The following KCNIP4 variants were observed in gnomAD, a reference collection of about 807,000 sequenced individuals.
KCNIP4 encodes the protein potassium voltage-gated channel interacting protein 4, also known as Kv channel-interacting protein 4.
Under a neutral mutation model 34.0 loss-of-function variants are expected in KCNIP4, and 12 were observed. The ratio of observed to expected loss-of-function variants is 0.35; its 90% CI spans 0.23 to 0.57. The LOEUF (loss-of-function observed/expected upper bound fraction) is 0.57, where lower values mean the gene tolerates loss of function less well. Ranked by LOEUF, KCNIP4 falls within the 20% of genes least tolerant of loss-of-function variation. The pLI is 0.83. For missense variants in KCNIP4, 238 were observed against 311.7 expected (o/e 0.76, Z 1.78); for synonymous variants, 124 against 102.2 (o/e 1.21, Z -1.29).
chr4:21,616,590 A>G (rs6847761), intron 1 of KCNIP4, among the ~76,000 whole-genome samples: 133,228 of 152,158 alleles, frequency 0.88, 58,622 homozygotes, highest in East Asian at 0.99. Flanking sequence ...TGTCAGCAGG[A>G]CCAAACTTTC....
At chr4:20,776,988 C>T (rs1380874147) in intron 3 of KCNIP4, among the ~76,000 whole-genome samples, 1 of 152,118 alleles carries the variant, frequency 6.6e-6, no homozygotes, top group African/African-American at 2.4e-5. Context: ...GTGTGTGTGG[C>T]CTCCAAATTC....
intron 1 of KCNIP4, among the ~76,000 whole-genome samples, chr4:21,698,642 T>G (rs1289631019): frequency 6.6e-6 from 1 of 151,604 alleles, no homozygotes; most frequent in Non-Finnish European, 1.5e-5. Context: ...TAATTTATAC[T>G]CCTAGAGTTT....
chr4:21,476,858 C>T (rs35255226), intron 1 of KCNIP4, among the ~76,000 whole-genome samples: 18,987 of 152,082 alleles, frequency 0.12, 1,351 homozygotes, highest in South Asian at 0.21. Flanking sequence ...AGAGCACTGT[C>T]TTCTTTGTGC....
intron 1 of KCNIP4, among the ~76,000 whole-genome samples, chr4:21,735,298 C>T (rs968983863): frequency 6.6e-6 from 1 of 152,062 alleles, no homozygotes; most frequent in Non-Finnish European, 1.5e-5. Context: ...TGTTAAGCTA[C>T]TCACTGAACA....
At chr4:21,661,690 T>C (rs1460909148) in intron 1 of KCNIP4, among the ~76,000 whole-genome samples, 3 of 152,052 alleles carry the variant, frequency 2.0e-5, no homozygotes, top group African/African-American at 7.2e-5. Flanking sequence ...CGATAGAAGA[T>C]TCTAGACAAA....
intron 1 of KCNIP4, among the ~76,000 whole-genome samples, chr4:21,414,755 G>T (rs561588665): frequency 6.6e-6 from 1 of 152,176 alleles, no homozygotes; most frequent in Non-Finnish European, 1.5e-5. Flanking sequence ...TCTTTAAAAT[G>T]GAGATTCTAT....
chr4:21,110,830 G>T (rs994588268), intron 1 of KCNIP4, among the ~76,000 whole-genome samples: 1 of 152,110 alleles, frequency 6.6e-6, no homozygotes, highest in African/African-American at 2.4e-5. Flanking sequence ...CTGAATCTTC[G>T]AGTGTCTCAA....
At chr4:21,391,484 G>A (rs1444016982) in intron 1 of KCNIP4, among the ~76,000 whole-genome samples, 1 of 152,078 alleles carries the variant, frequency 6.6e-6, no homozygotes, top group East Asian at 1.9e-4. Flanking sequence ...TACCTTCTGT[G>A]ATCCTCCAAA....
At chr4:21,768,547 T>G (rs1718572580) in intron 1 of KCNIP4, among the ~76,000 whole-genome samples, 1 of 152,114 alleles carries the variant, frequency 6.6e-6, no homozygotes, top group South Asian at 2.1e-4. Context: ...ACAAAGGATT[T>G]CTCACTGCTT....
intron 1 of KCNIP4, among the ~76,000 whole-genome samples, chr4:20,983,517 A>G (rs1736291958): frequency 6.6e-6 from 1 of 152,142 alleles, no homozygotes; most frequent in South Asian, 2.1e-4. Context: ...ACCAACCCAT[A>G]TTATCACCCC....
intron 1 of KCNIP4, among the ~76,000 whole-genome samples, chr4:20,995,664 G>A (rs1282394373): frequency 6.6e-6 from 1 of 152,188 alleles, no homozygotes; most frequent in Non-Finnish European, 1.5e-5. Context: ...TAACTGAGCT[G>A]TATTATTATA....
intron 1 of KCNIP4, among the ~76,000 whole-genome samples, chr4:21,070,750 A>G (rs1409588644): frequency 3.2e-5 from 4 of 125,872 alleles, no homozygotes; most frequent in African/African-American, 1.2e-4. Flanking sequence ...ATCTCGGCTC[A>G]CTGCAAGCTC....
chr4:21,132,853 C>CAAAAAA (rs71189683), intron 1 of KCNIP4, among the ~76,000 whole-genome samples: 2 of 116,698 alleles, frequency 1.7e-5, no homozygotes, highest in Non-Finnish European at 3.5e-5. Context: ...TACTAAACGA[C>CAAAAAA]AAAAAAAAAA....
rs192452398 is a variant in KCNIP4, at chr4:21,811,404, G to T, written c.61+137167C>A. On this transcript the variant is annotated intron_variant, in intron 1 of 8. Coordinates refer to ENST00000382152, the MANE Select transcript of KCNIP4 (RefSeq NM_025221.6). Reference sequence around the variant, plus strand: ...AGACTTTAATTAAGCCATAGTTCATGTCTAAAAGAAAGCTTGTAAGCTAAC... The same window carrying T: ...AGACTTTAATTAAGCCATAGTTCATTTCTAAAAGAAAGCTTGTAAGCTAAC... Among the ~76,000 whole-genome samples the T allele has an allele frequency of 1.8e-4, 28 of 152,298 alleles. No homozygotes were observed. In the East Asian group the frequency reaches 4.6e-3, roughly 25 times the overall value.
chr4:20,969,946 G>GTTT (rs201808424), intron 1 of KCNIP4, among the ~76,000 whole-genome samples: 4 of 144,834 alleles, frequency 2.8e-5, no homozygotes, highest in Admixed American at 6.9e-5. Flanking sequence ...ATTATCAGCA[G>GTTT]TTTTTTTTTT....
At chr4:21,587,215 T>C (rs531158040) in intron 1 of KCNIP4, among the ~76,000 whole-genome samples, 2 of 152,188 alleles carry the variant, frequency 1.3e-5, no homozygotes, top group African/African-American at 4.8e-5. Context: ...AATCCCGCAC[T>C]ATTGGGTATA....
intron 3 of KCNIP4, among the ~76,000 whole-genome samples, chr4:20,797,641 C>T (rs1188198160): frequency 6.6e-6 from 1 of 152,170 alleles, no homozygotes; most frequent in African/African-American, 2.4e-5. Flanking sequence ...AAGAGGAAAC[C>T]AGAAACGGAA....
At chr4:21,017,043 C>T (rs984847878) in intron 1 of KCNIP4, among the ~76,000 whole-genome samples, 2 of 152,130 alleles carry the variant, frequency 1.3e-5, no homozygotes, top group African/African-American at 4.8e-5. Context: ...ATCTGAATCA[C>T]ACAATTCATT....
chr4:21,907,273 T>G (rs1728057172), intron 1 of KCNIP4, among the ~76,000 whole-genome samples: 2 of 151,974 alleles, frequency 1.3e-5, no homozygotes, highest in South Asian at 4.1e-4. Flanking sequence ...CTGAAAAGAG[T>G]GGGTTGCTAT....
Sources: allele counts gnomAD v4.1 joint callset (sites outside exome capture counted in the v4.1 genomes callset), GRCh38; gene constraint gnomAD v4.1.1; transcripts MANE v1.5; gene names NCBI Gene and HGNC (gene_info 2026-07-23, HGNC 2026-07-21).